MCF2: variants seen among roughly 807,000 people sequenced by gnomAD.
MCF2 encodes proto-oncogene DBL.
A neutral mutation model predicts 82.5 loss-of-function variants in MCF2; 44 were observed. The ratio of observed to expected loss-of-function variants is 0.53; its 90% confidence interval spans 0.42 to 0.69. The LOEUF is 0.69. Among genes scored for constraint, MCF2 ranks in the 30% least tolerant of loss-of-function variants. MCF2 has a pLI of 0.00. For missense variants in MCF2, 623 were observed against 663.1 expected (o/e 0.94, Z 0.66); for synonymous variants, 217 against 224.9 (o/e 0.96, Z 0.32).
intron 1 of MCF2, among the ~76,000 whole-genome samples, chrX:139,690,090 G>T (rs768237146): frequency 1.8e-5 from 2 of 111,723 alleles, no homozygotes; most frequent in East Asian, 5.6e-4. Flanking sequence ...ATGCTGAAAA[G>T]GTACAAAAGT....
intron 1 of MCF2, among the ~76,000 whole-genome samples, chrX:139,705,173 C>T (rs887731537): frequency 1.3e-4 from 14 of 111,431 alleles, no homozygotes; most frequent in Admixed American, 4.8e-4. Context: ...ATCAGCCAGG[C>T]GTGGTGGCGG....
chrX:139,593,470 G>A (rs1196718417), intron 19 of MCF2, among the ~76,000 whole-genome samples: 1 of 110,690 alleles, frequency 9.0e-6, no homozygotes, highest in Admixed American at 9.6e-5. Flanking sequence ...AGGAGGAACT[G>A]GTACCATTCC....
At chrX:139,692,005 C>T in intron 1 of MCF2, 4 of 1,166,422 alleles carry the variant, frequency 3.4e-6, no homozygotes, top group Non-Finnish European at 4.6e-6. Flanking sequence ...GCCATGTCCA[C>T]CTGCAGAGGG....
At chrX:139,666,692 C>G (rs1425904245) in intron 1 of MCF2, among the ~76,000 whole-genome samples, 2 of 111,359 alleles carry the variant, frequency 1.8e-5, no homozygotes, top group Admixed American at 1.9e-4. Context: ...CTTAAGAAGA[C>G]CTTTTGCATT....
Position 139,677,758 on chromosome X carries a change from G to A in MCF2, c.-44-25970C>T, listed in dbSNP as rs780802262. On this transcript the variant is annotated intron_variant, in intron 1 of 27. Coordinates refer to the MCF2 transcript ENST00000414978. ...TCATATTTGAATCTAAACATTGAAC[G>A]TCTAAGTTTGAAAAACATGGAGGAG... 6.3e-5 allele frequency among the ~76,000 whole-genome samples: 7 copies of A among 111,961 alleles called. No individual in the cohort carries two copies. The South Asian group carries it at 2.2e-3, about 36-fold the overall frequency.
intron 1 of MCF2, among the ~76,000 whole-genome samples, chrX:139,682,360 A>G (rs1342554340): frequency 8.9e-6 from 1 of 112,445 alleles, no homozygotes; most frequent in Non-Finnish European, 1.9e-5. Context: ...GCAGGAGCTG[A>G]CATTGTCTTG....
At chrX:139,617,847 C>A (rs1932039372) in intron 7 of MCF2, 143 bp from the exon 11 acceptor site, 1 of 273,541 alleles carries the variant, frequency 3.7e-6, no homozygotes, top group Non-Finnish European at 6.3e-6. Context: ...CTTCTTCAGG[C>A]TGCAAAAAAA....
intron 6 of MCF2, among the ~76,000 whole-genome samples, chrX:139,620,891 G>C (rs1351755451): frequency 1.8e-5 from 2 of 111,318 alleles, no homozygotes; most frequent in Non-Finnish European, 3.8e-5. Context: ...AACCACAAAA[G>C]AGCTCAAATA....
chrX:139,588,929 CAA>C (rs755726039), intron 20 of MCF2, among the ~76,000 whole-genome samples: 1 of 96,331 alleles, frequency 1.0e-5, no homozygotes, highest in Admixed American at 1.1e-4. Context: ...GACGCTGTCT[CAA>C]AAAAAAAAAA....
At chrX:139,633,855 A>T (rs1165220606) in intron 1 of MCF2, among the ~76,000 whole-genome samples, 5 of 111,281 alleles carry the variant, frequency 4.5e-5, no homozygotes, top group Admixed American at 3.8e-4. Flanking sequence ...AAGTAATGAT[A>T]CCAGGAATAA....
At chrX:139,680,771 C>T (rs976658423) in intron 1 of MCF2, among the ~76,000 whole-genome samples, 1 of 112,036 alleles carries the variant, frequency 8.9e-6, no homozygotes, top group Non-Finnish European at 1.9e-5. Flanking sequence ...GCCAGATCTC[C>T]TACTCTGTAG....
At chrX:139,587,867 TCACACACACA>T in intron 21 of MCF2, 79 bp from the exon 26 acceptor site, 3 of 468,346 alleles carry the variant, frequency 6.4e-6, no homozygotes, top group East Asian at 3.9e-5. Context: ...TTTCTCTCTC[TCACACACACA>T]CACACACACA....
chrX:139,655,693 G>A lies in MCF2; in HGVS notation c.-44-3905C>T, dbSNP rs142168052. Among the ~76,000 whole-genome samples, 1,085 of 110,971 alleles carry A rather than the reference G, an allele frequency of 9.8e-3. 12 individuals are homozygous for A. Among genetic ancestry groups the A allele is most frequent in the African/African-American group, 0.034 (1,020 of 30,395 alleles). On this transcript the variant is annotated intron_variant, in intron 1 of 27. Transcript: ENST00000414978. Reference sequence around the variant, plus strand: ...CACTCCCCCTTCCCTCCACCGCACAGCAGACCCCTGTGTGTGATGTTCCCC... The same window carrying A: ...CACTCCCCCTTCCCTCCACCGCACAACAGACCCCTGTGTGTGATGTTCCCC...
At chrX:139,687,369 T>A (rs769559233) in intron 1 of MCF2, among the ~76,000 whole-genome samples, 4 of 113,372 alleles carry the variant, frequency 3.5e-5, no homozygotes, top group African/African-American at 1.3e-4. Flanking sequence ...CACTGGCCTC[T>A]GGCCAGGAGC....
intron 1 of MCF2, among the ~76,000 whole-genome samples, chrX:139,699,171 C>T (rs1476609622): frequency 2.7e-5 from 3 of 111,905 alleles, no homozygotes; most frequent in Non-Finnish European, 3.8e-5. Context: ...TAACATTACG[C>T]CAGAACAAAA....
chrX:139,653,614 T>G (rs183179274), intron 1 of MCF2, among the ~76,000 whole-genome samples: 10 of 111,297 alleles, frequency 9.0e-5, no homozygotes, highest in African/African-American at 3.3e-4. Context: ...GGGCCTAGTG[T>G]GGGCTTGACC....
intron 1 of MCF2, among the ~76,000 whole-genome samples, chrX:139,638,638 C>T (rs1453088365): frequency 9.0e-6 from 1 of 111,704 alleles, no homozygotes; most frequent in Non-Finnish European, 1.9e-5. Flanking sequence ...TCCAGATTGT[C>T]ATGCAAAGCC....
intron 6 of MCF2, among the ~76,000 whole-genome samples, chrX:139,624,645 C>T (rs983732236): frequency 4.5e-5 from 5 of 111,036 alleles, no homozygotes; most frequent in Admixed American, 3.9e-4. Flanking sequence ...CAACTTAATG[C>T]AAGACTGGAC....
chrX:139,626,808 G>A, intron 4 of MCF2, 52 bp from the exon 8 acceptor site: 1 of 1,042,666 alleles, frequency 9.6e-7, no homozygotes, highest in Non-Finnish European at 1.3e-6. Context: ...CAACCTGAAT[G>A]ATGTGATGGG....
Sources: allele counts gnomAD v4.1 joint callset (sites outside exome capture counted in the v4.1 genomes callset), GRCh38; gene constraint gnomAD v4.1.1; transcripts MANE v1.5; gene names NCBI Gene and HGNC (gene_info 2026-07-23, HGNC 2026-07-21).